The following OPA1 variants were observed in gnomAD, a reference collection of about 807,000 sequenced individuals.
OPA1 encodes OPA1 mitochondrial dynamin like GTPase.
A neutral mutation model predicts 152.9 loss-of-function variants in OPA1; 59 were observed. The observed-to-expected ratio is 0.39, with a 90% CI of 0.31 to 0.48. The LOEUF (loss-of-function observed/expected upper bound fraction) is 0.48. Ranked by LOEUF, OPA1 falls within the 20% of genes least tolerant of loss-of-function variation. The probability of loss-of-function intolerance (pLI) is 0.96; values close to 1 mark genes in which losing one functional copy is unlikely to be tolerated. For missense variants in OPA1, 1,008 were observed against 1,216.8 expected (o/e 0.83, Z 2.55); for synonymous variants, 400 against 389.9 (o/e 1.03, Z -0.31).
At chr3:193,614,012 T>C (rs1458422781) in intron 1 of OPA1, 1 of 517,008 alleles carries the variant, frequency 1.9e-6, no homozygotes, top group Non-Finnish European at 3.9e-6. Flanking sequence ...TATGAGTGTA[T>C]GTTAAGATAT....
rs1722110322 is a variant in OPA1 at position 193,694,800 on chromosome 3, A to T, written c.*200A>T. 1 of 152,226 alleles carries T rather than the reference A, an allele frequency of 6.6e-6. No individual in the cohort carries two copies. The highest frequency in any genetic ancestry group is 2.4e-5 in the African/African-American group (1 of 41,466). 9.4% of individuals were successfully genotyped at this position (152,226 alleles called of 1,614,324 possible). ...ATGGAAGAACAGTGGTAATGGATTA[A>T]CATCCTATTTTGTTGTACTAAAGTG... On this transcript the variant is annotated 3_prime_UTR_variant, in exon 31 of 31. Transcript: ENST00000361510.
intron 29 of OPA1, among the ~76,000 whole-genome samples, chr3:193,678,923 T>C (rs1021394745): frequency 6.6e-6 from 1 of 152,204 alleles, no homozygotes; most frequent in South Asian, 2.1e-4. Context: ...GGTTAGCTCT[T>C]TGAGTCTCAC....
intron 1 of OPA1, among the ~76,000 whole-genome samples, chr3:193,599,145 C>T (rs1726068034): frequency 6.6e-6 from 1 of 152,102 alleles, no homozygotes; most frequent in Non-Finnish European, 1.5e-5. Flanking sequence ...TTTTGTTCCC[C>T]TTCTGATTTA....
chr3:193,626,230 A>G (rs748609071), intron 7 of OPA1, 28 bp downstream of exon 7: 3 of 1,491,790 alleles, frequency 2.0e-6, no homozygotes, highest in East Asian at 4.5e-5. Context: ...GGGGCTACCG[A>G]TACATTCACA....
At chr3:193,680,828 T>G (rs979944128) in intron 29 of OPA1, among the ~76,000 whole-genome samples, 1 of 152,206 alleles carries the variant, frequency 6.6e-6, no homozygotes, top group East Asian at 1.9e-4. Flanking sequence ...GTAAAATGAA[T>G]GTATTCATTT....
chr3:193,600,201 T>G (rs1212331292), intron 1 of OPA1, among the ~76,000 whole-genome samples: 1 of 152,202 alleles, frequency 6.6e-6, no homozygotes, highest in Non-Finnish European at 1.5e-5. Flanking sequence ...TTAGAGAGAT[T>G]GACCAAAACT....
At chr3:193,618,161 C>G (rs569513069) in intron 5 of OPA1, among the ~76,000 whole-genome samples, 3 of 152,282 alleles carry the variant, frequency 2.0e-5, no homozygotes, top group East Asian at 3.9e-4. Context: ...TTTGTCTCAT[C>G]TGCCCTGTCA....
chr3:193,649,949 A>T (rs1711981265), intron 21 of OPA1, among the ~76,000 whole-genome samples: 1 of 152,224 alleles, frequency 6.6e-6, no homozygotes, highest in Non-Finnish European at 1.5e-5. Context: ...TTACAGATTG[A>T]GTATAATACT....
At chr3:193,674,374 A>G (rs1718545454) in intron 29 of OPA1, among the ~76,000 whole-genome samples, 1 of 152,186 alleles carries the variant, frequency 6.6e-6, no homozygotes, top group Non-Finnish European at 1.5e-5. Context: ...TTAAATGAAA[A>G]CTTTGTTCTT....
chr3:193,624,653 A>G (rs754329881), intron 6 of OPA1, among the ~76,000 whole-genome samples: 44 of 152,062 alleles, frequency 2.9e-4, no homozygotes, highest in Non-Finnish European at 5.3e-4. Flanking sequence ...TTTTATAACT[A>G]TTTTATACTG....
At chr3:193,642,726 T>A (rs1345657409) in intron 11 of OPA1, 39 bp from the exon 12 acceptor site, 2 of 1,414,926 alleles carry the variant, frequency 1.4e-6, no homozygotes, top group African/African-American at 1.4e-5. Flanking sequence ...ATATTACTTA[T>A]AAATACATCA....
chr3:193,692,267 A>G (rs1406093123), intron 30 of OPA1, 135 bp downstream of exon 30: 2 of 642,378 alleles, frequency 3.1e-6, no homozygotes, highest in Non-Finnish European at 5.7e-6. Flanking sequence ...AATCTCTGAA[A>G]CTAGCTTCCG....
intron 29 of OPA1, among the ~76,000 whole-genome samples, chr3:193,686,551 C>T (rs1333202723): frequency 6.6e-6 from 1 of 152,168 alleles, no homozygotes; most frequent in Non-Finnish European, 1.5e-5. Flanking sequence ...TGTGCTAACT[C>T]TAAGATTTTA....
At chr3:193,602,012 C>T (rs1437346633) in intron 1 of OPA1, among the ~76,000 whole-genome samples, 10 of 152,016 alleles carry the variant, frequency 6.6e-5, no homozygotes, top group Middle Eastern at 3.2e-3. Flanking sequence ...ATTATGGTCC[C>T]ATGGATTTTC....
intron 9 of OPA1, 62 bp downstream of exon 9, chr3:193,635,584 G>GT: frequency 1.1e-6 from 1 of 944,478 alleles, no homozygotes; most frequent in Non-Finnish European, 1.7e-6. Flanking sequence ...GTGTTCATCA[G>GT]TACCAGTTTC....
At chr3:193,673,352 A>G (rs1306010706) in intron 29 of OPA1, among the ~76,000 whole-genome samples, 1 of 152,246 alleles carries the variant, frequency 6.6e-6, no homozygotes, top group Admixed American at 6.5e-5. Context: ...ACTTCCTATA[A>G]TATAAGCATC....
At chr3:193,598,226 G>A (rs1467735379) in intron 1 of OPA1, among the ~76,000 whole-genome samples, 1 of 152,204 alleles carries the variant, frequency 6.6e-6, no homozygotes, top group African/African-American at 2.4e-5. Flanking sequence ...TTTTACATGA[G>A]GAAGAAGAGG....
At chr3:193,650,231 C>T (rs551501012) in intron 21 of OPA1, among the ~76,000 whole-genome samples, 17 of 152,094 alleles carry the variant, frequency 1.1e-4, no homozygotes, top group Non-Finnish European at 2.5e-4. Context: ...CGCATACCAC[C>T]AGATTGCCCA....
At chr3:193,634,611 T>C (rs1258401043) in intron 8 of OPA1, among the ~76,000 whole-genome samples, 2 of 152,130 alleles carry the variant, frequency 1.3e-5, no homozygotes, top group African/African-American at 4.8e-5. Context: ...GGTTTCACCA[T>C]GTTGGCCAGA....
Sources: allele counts gnomAD v4.1 joint callset (sites outside exome capture counted in the v4.1 genomes callset), GRCh38; gene constraint gnomAD v4.1.1; transcripts MANE v1.5; gene names NCBI Gene and HGNC (gene_info 2026-07-23, HGNC 2026-07-21).